Variants in TMTC2 observed in about 807,000 individuals in gnomAD.
TMTC2 encodes the protein protein O-mannosyl-transferase TMTC2.
A neutral mutation model predicts 82.4 loss-of-function variants in TMTC2; 43 were observed. The observed-to-expected ratio is 0.52, with a 90% CI of 0.41 to 0.67. The LOEUF (loss-of-function observed/expected upper bound fraction) is 0.67. Among genes scored for constraint, TMTC2 ranks in the 30% least tolerant of loss-of-function variants. TMTC2 has a pLI of 0.00. For missense variants in TMTC2, 919 were observed against 1,012.4 expected, an observed-to-expected ratio of 0.91 and a Z score of 1.25; for synonymous variants, 408 against 381.9, an observed-to-expected ratio of 1.07 and a Z score of -0.80.
At chr12:82,794,258 C>T (rs1265222176) in intron 1 of TMTC2, among the ~76,000 whole-genome samples, 1 of 152,064 alleles carries the variant, frequency 6.6e-6, no homozygotes, top group Non-Finnish European at 1.5e-5. Flanking sequence ...CATCCTTTGT[C>T]CTTCCTCTTT....
At chr12:82,856,987 T>C in intron 1 of TMTC2, 23 bp from the exon 2 acceptor site, 1 of 1,579,450 alleles carries the variant, frequency 6.3e-7, no homozygotes, top group Non-Finnish European at 8.6e-7. Flanking sequence ...ACATTTGATT[T>C]TTTTTAACGT....
chr12:82,810,573 GT>G (rs1879445331), intron 1 of TMTC2, among the ~76,000 whole-genome samples: 1 of 151,958 alleles, frequency 6.6e-6, no homozygotes, highest in Admixed American at 6.6e-5. Flanking sequence ...TTCCAGCAAG[GT>G]TTTTATAAAA....
chr12:82,959,258 A>T (rs1375727335), intron 4 of TMTC2, among the ~76,000 whole-genome samples: 2 of 152,312 alleles, frequency 1.3e-5, no homozygotes, highest in Non-Finnish European at 2.9e-5. Flanking sequence ...TGCCCAAAGC[A>T]ATTTACAGAT....
chr12:83,107,380 C>T (rs557161273), intron 11 of TMTC2, among the ~76,000 whole-genome samples: 44 of 152,290 alleles, frequency 2.9e-4, no homozygotes, highest in Non-Finnish European at 3.4e-4. Context: ...ACCTGCTCGG[C>T]TTCTGGTGAA....
intron 3 of TMTC2, among the ~76,000 whole-genome samples, chr12:82,919,054 CCT>C (rs1207912599): frequency 1.3e-5 from 2 of 152,198 alleles, no homozygotes; most frequent in African/African-American, 4.8e-5. Context: ...CCACACCCAG[CCT>C]CTTTTTTAAC....
chr12:82,951,154 TA>T (rs1470960086), intron 4 of TMTC2, among the ~76,000 whole-genome samples: 1 of 152,202 alleles, frequency 6.6e-6, no homozygotes, highest in Non-Finnish European at 1.5e-5. Context: ...ACCTATGTAA[TA>T]GAATCATGTG....
At chr12:83,100,626 C>G (rs539740136) in intron 11 of TMTC2, among the ~76,000 whole-genome samples, 3 of 151,952 alleles carry the variant, frequency 2.0e-5, no homozygotes, top group African/African-American at 7.3e-5. Context: ...TCCTTATAAT[C>G]TGAGATTTTT....
At chr12:82,782,069 C>T (rs928613094) in intron 1 of TMTC2, among the ~76,000 whole-genome samples, 1 of 152,092 alleles carries the variant, frequency 6.6e-6, no homozygotes, top group African/African-American at 2.4e-5. Context: ...AAATATGTAA[C>T]AGTCACACCA....
rs183702785 is a variant in TMTC2 at position 82,985,317 on chromosome 12, G to T, written c.1949-608G>T. Among the ~76,000 whole-genome samples, 13 of 152,180 alleles carry T rather than the reference G, an allele frequency of 8.5e-5. No individual in the cohort carries two copies. The East Asian group carries it at 2.5e-3, about 29-fold the overall frequency. On this transcript the variant is annotated intron_variant, in intron 7 of 11. Transcript: ENST00000321196. ...TCCGCCTGCCTTGGCCTCCCTAAGTGCTGGGATTACAGGCATGAGCCCCCT... is the reference window on the plus strand; with the variant it reads ...TCCGCCTGCCTTGGCCTCCCTAAGTTCTGGGATTACAGGCATGAGCCCCCT...
intron 3 of TMTC2, among the ~76,000 whole-genome samples, chr12:82,906,797 T>C (rs966238465): frequency 1.3e-5 from 2 of 152,204 alleles, no homozygotes; most frequent in Non-Finnish European, 1.5e-5. Context: ...AGTTGTGCTG[T>C]AAAACACAGC....
At chr12:83,037,595 C>T (rs1881713854) in intron 9 of TMTC2, among the ~76,000 whole-genome samples, 1 of 152,026 alleles carries the variant, frequency 6.6e-6, no homozygotes. Context: ...TAAGGTTTTC[C>T]TAAAGGTTGT....
At chr12:82,748,901 C>T (rs1875830438) in intron 1 of TMTC2, among the ~76,000 whole-genome samples, 1 of 152,178 alleles carries the variant, frequency 6.6e-6, no homozygotes, top group South Asian at 2.1e-4. Flanking sequence ...CACATACACA[C>T]ACACGTATGT....
intron 8 of TMTC2, among the ~76,000 whole-genome samples, chr12:83,024,491 AACAG>A (rs1252078646): frequency 1.3e-5 from 2 of 152,214 alleles, no homozygotes. Flanking sequence ...TGTGAAAAAT[AACAG>A]ACACTCACTA....
intron 9 of TMTC2, among the ~76,000 whole-genome samples, chr12:83,040,861 A>G (rs184632350): frequency 9.3e-4 from 141 of 151,226 alleles, no homozygotes; most frequent in African/African-American, 3.3e-3. Context: ...ATTTTTTTGT[A>G]ATTTAGTAGA....
chr12:82,856,943 TCA>T, intron 1 of TMTC2, 65 bp from the exon 2 acceptor site: 48 of 1,438,028 alleles, frequency 3.3e-5, no homozygotes, highest in Non-Finnish European at 4.3e-5. Context: ...CAGTATCTTA[TCA>T]ATGTCATATT....
intron 9 of TMTC2, among the ~76,000 whole-genome samples, chr12:83,035,312 A>AT (rs1387438477): frequency 1.3e-5 from 2 of 152,132 alleles, no homozygotes; most frequent in Non-Finnish European, 2.9e-5. Context: ...CCTTTTTAAA[A>AT]TTTTTTTCAG....
intron 1 of TMTC2, among the ~76,000 whole-genome samples, chr12:82,797,935 A>ATTTTT (rs72046660): frequency 8.2e-6 from 1 of 121,812 alleles, no homozygotes; most frequent in African/African-American, 3.2e-5. Flanking sequence ...AACCACCCTA[A>ATTTTT]TTTTTTTTTT....
intron 1 of TMTC2, among the ~76,000 whole-genome samples, chr12:82,826,249 CCTT>C (rs1297532307): frequency 6.6e-6 from 1 of 152,126 alleles, no homozygotes; most frequent in African/African-American, 2.4e-5. Flanking sequence ...GTGTATCTTT[CCTT>C]CTTATGGTGA....
chr12:82,915,914 T>C (rs1225804838), intron 3 of TMTC2, among the ~76,000 whole-genome samples: 1 of 152,198 alleles, frequency 6.6e-6, no homozygotes, highest in East Asian at 1.9e-4. Flanking sequence ...TAATCAAGAC[T>C]GCGTACAGCA....
Sources: allele counts gnomAD v4.1 joint callset (sites outside exome capture counted in the v4.1 genomes callset), GRCh38; gene constraint gnomAD v4.1.1; transcripts MANE v1.5; gene names NCBI Gene and HGNC (gene_info 2026-07-23, HGNC 2026-07-21).